Variants in GSK3B observed in about 807,000 individuals in gnomAD.
The protein encoded by GSK3B is glycogen synthase kinase 3 beta.
In GSK3B, 15 loss-of-function variants were observed where a neutral mutation model predicts 56.4. The observed-to-expected ratio is 0.27, with a 90% CI of 0.18 to 0.41. The LOEUF is 0.41. Ranked by LOEUF, GSK3B falls within the 10% of genes least tolerant of loss-of-function variation. The probability of loss-of-function intolerance (pLI) is 1.00; values close to 1 mark genes in which losing one functional copy is unlikely to be tolerated. For synonymous variants in GSK3B, 181 were observed against 188.9 expected, an observed-to-expected ratio of 0.96 and a Z score of 0.34; for missense variants, 300 against 513.4, an observed-to-expected ratio of 0.58 and a Z score of 4.02.
At chr3:120,043,883 G>T (rs147368046) in intron 1 of GSK3B, among the ~76,000 whole-genome samples, 1 of 152,050 alleles carries the variant, frequency 6.6e-6, no homozygotes, top group Non-Finnish European at 1.5e-5. Context: ...CTTCTACCCT[G>T]CCCTACAACA....
At chr3:120,079,169 T>C (rs1474142726) in intron 1 of GSK3B, among the ~76,000 whole-genome samples, 1 of 150,716 alleles carries the variant, frequency 6.6e-6, no homozygotes, top group African/African-American at 2.4e-5. Context: ...CTCGAACTCC[T>C]GACCTCAGCG....
At chr3:119,977,745 A>G (rs1272802810) in intron 2 of GSK3B, among the ~76,000 whole-genome samples, 9 of 152,200 alleles carry the variant, frequency 5.9e-5, no homozygotes, top group Non-Finnish European at 5.9e-5. Context: ...AAACAGAATT[A>G]CCAAATTTAA....
At chr3:120,040,489 C>T (rs1460860529) in intron 1 of GSK3B, among the ~76,000 whole-genome samples, 2 of 152,046 alleles carry the variant, frequency 1.3e-5, no homozygotes, top group Non-Finnish European at 2.9e-5. Context: ...CCTTAACAAG[C>T]TCCCCAAGGA....
chr3:119,918,501 A>AC (rs1451974833), intron 4 of GSK3B, among the ~76,000 whole-genome samples: 2 of 152,044 alleles, frequency 1.3e-5, no homozygotes, highest in South Asian at 2.1e-4. Context: ...ACAAAACAAA[A>AC]AAAAAGCAGT....
chr3:120,020,782 AG>A (rs1357947364), intron 1 of GSK3B, among the ~76,000 whole-genome samples: 1 of 152,250 alleles, frequency 6.6e-6, no homozygotes, highest in Non-Finnish European at 1.5e-5. Flanking sequence ...AAGCCCAGAT[AG>A]GCTGAAAGCT....
chr3:119,967,320 T>C (rs144884357), intron 2 of GSK3B, among the ~76,000 whole-genome samples: 1 of 152,098 alleles, frequency 6.6e-6, no homozygotes, highest in African/African-American at 2.4e-5. Context: ...TCATGATATG[T>C]CCGCCTCGGC....
chr3:119,978,772 C>T (rs1056682875), intron 2 of GSK3B, among the ~76,000 whole-genome samples: 3 of 152,184 alleles, frequency 2.0e-5, no homozygotes, highest in Non-Finnish European at 4.4e-5. Context: ...ATCCAGCCAA[C>T]TGGTAAGATC....
At chr3:120,008,731 G>T (rs746505860) in intron 1 of GSK3B, among the ~76,000 whole-genome samples, 1 of 152,108 alleles carries the variant, frequency 6.6e-6, no homozygotes, top group Non-Finnish European at 1.5e-5. Context: ...AGACTTAAAC[G>T]TTAAGACCTA....
At chr3:120,065,534 C>T (rs2058271160) in intron 1 of GSK3B, among the ~76,000 whole-genome samples, 2 of 152,080 alleles carry the variant, frequency 1.3e-5, no homozygotes, top group Admixed American at 1.3e-4. Flanking sequence ...AATGGTGCAG[C>T]CATTATGGAA....
At chr3:120,073,688 A>T (rs1390738938) in intron 1 of GSK3B, among the ~76,000 whole-genome samples, 3 of 152,230 alleles carry the variant, frequency 2.0e-5, no homozygotes, top group Non-Finnish European at 4.4e-5. Flanking sequence ...TCTCCAAATT[A>T]TAAAGGCCAT....
chr3:119,855,630 G>A (rs984435156), intron 9 of GSK3B, among the ~76,000 whole-genome samples: 22 of 152,112 alleles, frequency 1.4e-4, no homozygotes, highest in Non-Finnish European at 2.9e-4. Flanking sequence ...ACATATACAC[G>A]ATGGAATACT....
chr3:119,839,226 T>G (rs1429789271), intron 10 of GSK3B, among the ~76,000 whole-genome samples: 1 of 152,208 alleles, frequency 6.6e-6, no homozygotes, highest in Non-Finnish European at 1.5e-5. Context: ...TATAATGTAT[T>G]TAAAATTTAA....
chr3:119,909,780 G>A (rs2056717733), intron 6 of GSK3B, among the ~76,000 whole-genome samples: 1 of 152,058 alleles, frequency 6.6e-6, no homozygotes, highest in Admixed American at 6.6e-5. Flanking sequence ...CATCTGGGGT[G>A]AAGACTTGAG....
intron 1 of GSK3B, among the ~76,000 whole-genome samples, chr3:120,065,208 A>G (rs1176042763): frequency 6.6e-6 from 1 of 152,232 alleles, no homozygotes; most frequent in Non-Finnish European, 1.5e-5. Context: ...TGGAGAAGTT[A>G]TAATATCTGA....
At chr3:119,986,785 A>T (rs1435446892) in intron 2 of GSK3B, among the ~76,000 whole-genome samples, 3 of 152,226 alleles carry the variant, frequency 2.0e-5, no homozygotes, top group African/African-American at 7.2e-5. Flanking sequence ...GGATTCCTCA[A>T]GGATCTAGAA....
At chr3:119,975,460 T>G (rs2057401326) in intron 2 of GSK3B, among the ~76,000 whole-genome samples, 1 of 152,036 alleles carries the variant, frequency 6.6e-6, no homozygotes, top group South Asian at 2.1e-4. Flanking sequence ...AAAAAAGATA[T>G]GAGCTATCAT....
At chr3:119,877,263 A>G (rs539113067) in intron 7 of GSK3B, among the ~76,000 whole-genome samples, 1 of 152,256 alleles carries the variant, frequency 6.6e-6, no homozygotes, top group East Asian at 1.9e-4. Flanking sequence ...AAGATTATAC[A>G]GCTGTCCCTT....
intron 10 of GSK3B, among the ~76,000 whole-genome samples, chr3:119,842,425 A>G (rs77991466): frequency 0.026 from 3,936 of 152,278 alleles, 174 homozygotes; most frequent in African/African-American, 0.089. Context: ...ATGATTAAAT[A>G]TAAGTATAAA....
intron 1 of GSK3B, among the ~76,000 whole-genome samples, chr3:120,045,085 C>T (rs1237876683): frequency 6.6e-6 from 1 of 152,190 alleles, no homozygotes; most frequent in East Asian, 1.9e-4. Flanking sequence ...TTAGTGCAAA[C>T]GCTTATAAAA....
Sources: allele counts gnomAD v4.1 joint callset (sites outside exome capture counted in the v4.1 genomes callset), GRCh38; gene constraint gnomAD v4.1.1; transcripts MANE v1.5; gene names NCBI Gene and HGNC (gene_info 2026-07-23, HGNC 2026-07-21).